The following AFAP1 variants were observed in gnomAD, a reference collection of about 807,000 sequenced individuals.
AFAP1 encodes actin filament associated protein 1.
Under a neutral mutation model 93.9 loss-of-function variants are expected in AFAP1, and 75 were observed. The ratio of observed to expected loss-of-function variants is 0.80; its 90% CI spans 0.66 to 0.97. The LOEUF (loss-of-function observed/expected upper bound fraction) is 0.97, where lower values mean the gene tolerates loss of function less well. Among genes scored for constraint, AFAP1 ranks in the 50% least tolerant of loss-of-function variants. The pLI is 0.00. For synonymous variants in AFAP1, 517 were observed against 430.7 expected, an observed-to-expected ratio of 1.20 and a Z score of -2.48; for missense variants, 1,201 against 1,050.8, an observed-to-expected ratio of 1.14 and a Z score of -1.98.
intron 1 of AFAP1, among the ~76,000 whole-genome samples, chr4:7,915,784 G>C (rs1720054364): frequency 6.6e-6 from 1 of 152,204 alleles, no homozygotes; most frequent in Admixed American, 6.5e-5. Context: ...CCCCTCAATG[G>C]AGAGTAGCTG....
At chr4:7,809,801 T>C in intron 8 of AFAP1, 38 bp from the exon 9 acceptor site, 2 of 1,580,816 alleles carry the variant, frequency 1.3e-6, no homozygotes, top group Non-Finnish European at 1.7e-6. Flanking sequence ...CATGTTTTAA[T>C]TGTAGATATT....
intron 1 of AFAP1, among the ~76,000 whole-genome samples, chr4:7,915,000 C>T (rs1175456568): frequency 6.6e-6 from 1 of 152,192 alleles, no homozygotes; most frequent in African/African-American, 2.4e-5. Context: ...CCGCCCACTT[C>T]AGCCTCCCAA....
intron 12 of AFAP1, 96 bp downstream of exon 12, chr4:7,786,098 T>G (rs1717227524): frequency 8.7e-7 from 1 of 1,148,322 alleles, no homozygotes; most frequent in African/African-American, 1.5e-5. Flanking sequence ...AAAGCTGACC[T>G]TATTCAGACC....
At chr4:7,916,390 A>G (rs1292742207) in intron 1 of AFAP1, among the ~76,000 whole-genome samples, 4 of 152,146 alleles carry the variant, frequency 2.6e-5, no homozygotes, top group Admixed American at 6.5e-5. Flanking sequence ...TTTATTTCCA[A>G]GTTTCATGGA....
In AFAP1 at chr4:7,786,290, T is replaced by C. The variant is rs1717255517; in HGVS notation, c.1434A>G (p.Ile478Met). The change falls in exon 12 of 18, where the codon ATA becomes ATG. Residue 478 changes from isoleucine (I) to methionine (M), a missense_variant. Physicochemically the swap from Ile to Met is conservative, Grantham distance 10. Transcript: ENST00000420658. ...TGCCCCCTAGATATGGGTTAGCAGATATAACACGCCTGTTCATGAAACTGA... is the reference window on the plus strand; with the variant it reads ...TGCCCCCTAGATATGGGTTAGCAGACATAACACGCCTGTTCATGAAACTGA... Reference protein sequence around the residue: ...QTFCFMNRRVISANPYLGGTS... With the variant: ...QTFCFMNRRVMSANPYLGGTS... The C allele has an allele frequency of 1.2e-6, 2 of 1,614,100 alleles. No homozygotes were observed. Among genetic ancestry groups the C allele is most frequent in the Non-Finnish European group, 1.7e-6 (2 of 1,179,976 alleles).
chr4:7,767,493 A>G (rs16841128), intron 17 of AFAP1, among the ~76,000 whole-genome samples: 1,587 of 152,290 alleles, frequency 0.01, 29 homozygotes, highest in African/African-American at 0.036. Context: ...GGCAAAACAT[A>G]TTCCTCCATC....
chr4:7,812,439 C>A (rs1720131680), intron 8 of AFAP1, among the ~76,000 whole-genome samples: 1 of 152,114 alleles, frequency 6.6e-6, no homozygotes, highest in Non-Finnish European at 1.5e-5. Context: ...ACTCCCTGAT[C>A]AGTTTTTTAC....
At chr4:7,808,479 G>C (rs956195865) in intron 9 of AFAP1, among the ~76,000 whole-genome samples, 2 of 147,546 alleles carry the variant, frequency 1.4e-5, no homozygotes, top group African/African-American at 2.6e-5. Flanking sequence ...GGCCAGGGCT[G>C]TTGTGGTCAC....
At chr4:7,788,084 G>A (rs774829304) in intron 11 of AFAP1, among the ~76,000 whole-genome samples, 1 of 152,248 alleles carries the variant, frequency 6.6e-6, no homozygotes, top group African/African-American at 2.4e-5. Context: ...CAGGAGCGCA[G>A]GGACCATGCG....
chr4:7,846,982 T>A (rs190007387), intron 4 of AFAP1, among the ~76,000 whole-genome samples: 18 of 152,348 alleles, frequency 1.2e-4, no homozygotes, highest in African/African-American at 4.3e-4. Flanking sequence ...TCCTTGGGAA[T>A]GAGTTGAGGT....
chr4:7,858,221 T>C (rs1454232610), intron 3 of AFAP1, among the ~76,000 whole-genome samples: 1 of 152,190 alleles, frequency 6.6e-6, no homozygotes, highest in African/African-American at 2.4e-5. Context: ...TGTGCTTACA[T>C]ATACACAGAG....
At chr4:7,786,992 G>A (rs1172799166) in intron 11 of AFAP1, among the ~76,000 whole-genome samples, 1 of 152,184 alleles carries the variant, frequency 6.6e-6, no homozygotes, top group Non-Finnish European at 1.5e-5. Flanking sequence ...TCTGAGAGCC[G>A]CTGACAGCGG....
intron 10 of AFAP1, among the ~76,000 whole-genome samples, chr4:7,796,696 A>C (rs1317960576): frequency 6.8e-6 from 1 of 146,228 alleles, no homozygotes; most frequent in African/African-American, 2.5e-5. Context: ...GCTTGCAGTG[A>C]GCTGAGATCA....
At chr4:7,770,530 G>C (rs184791329) in intron 16 of AFAP1, among the ~76,000 whole-genome samples, 1 of 152,308 alleles carries the variant, frequency 6.6e-6, no homozygotes, top group African/African-American at 2.4e-5. Flanking sequence ...GGAAAGGCAA[G>C]AACGCAGGGC....
chr4:7,855,074 CA>C (rs1714895782), intron 4 of AFAP1, among the ~76,000 whole-genome samples: 1 of 152,226 alleles, frequency 6.6e-6, no homozygotes, highest in African/African-American at 2.4e-5. Flanking sequence ...GCCCAACAGC[CA>C]ACCTGGTGGA....
intron 1 of AFAP1, among the ~76,000 whole-genome samples, chr4:7,897,652 C>A (rs6845653): frequency 1.3e-5 from 2 of 151,610 alleles, no homozygotes; most frequent in African/African-American, 4.8e-5. Flanking sequence ...GCCTCCAGAG[C>A]AGCTGGGAAC....
intron 14 of AFAP1, 183 bp downstream of exon 14, chr4:7,778,579 G>C: frequency 1.5e-6 from 1 of 647,366 alleles, no homozygotes. Flanking sequence ...CAAGCAGTCA[G>C]AAAAGCTGGG....
At chr4:7,854,115 C>T (rs900055749) in intron 4 of AFAP1, among the ~76,000 whole-genome samples, 1 of 152,122 alleles carries the variant, frequency 6.6e-6, no homozygotes, top group Non-Finnish European at 1.5e-5. Context: ...AATAAGAAAA[C>T]ATACTTGTCT....
chr4:7,797,657 A>T (rs6856371), intron 10 of AFAP1, among the ~76,000 whole-genome samples: 128,249 of 152,206 alleles, frequency 0.84, 54,358 homozygotes, highest in African/African-American at 0.93. Flanking sequence ...GGTTTCCTTG[A>T]GCTCCTGAAG....
Sources: allele counts gnomAD v4.1 joint callset (sites outside exome capture counted in the v4.1 genomes callset), GRCh38; gene constraint gnomAD v4.1.1; transcripts MANE v1.5; gene names NCBI Gene and HGNC (gene_info 2026-07-23, HGNC 2026-07-21).